UNC5D: variants seen among roughly 807,000 people sequenced by gnomAD.
UNC5D encodes netrin receptor UNC5D.
UNC5D carries 39 observed loss-of-function variants against 105.4 expected under a neutral mutation model. The ratio of observed to expected loss-of-function variants is 0.37; its 90% CI spans 0.29 to 0.48. The LOEUF (loss-of-function observed/expected upper bound fraction) is 0.48, where lower values mean the gene tolerates loss of function less well. UNC5D is among the 20% of genes least tolerant of loss of function. The pLI is 0.98. For missense variants in UNC5D, 991 were observed against 1,202.4 expected (o/e 0.82, Z 2.60); for synonymous variants, 452 against 450.4 (o/e 1.00, Z -0.04).
At chr8:35,455,716 C>T (rs1237984743) in intron 1 of UNC5D, among the ~76,000 whole-genome samples, 2 of 151,602 alleles carry the variant, frequency 1.3e-5, no homozygotes, top group African/African-American at 2.4e-5. Context: ...CTCACCATTC[C>T]ATGTGGCTGA....
rs527599695 is a variant in UNC5D, at chr8:35,717,551, T to C, written c.1118-4659T>C. On this transcript the variant is annotated intron_variant, in intron 8 of 16. Coordinates refer to ENST00000404895, the MANE Select transcript of UNC5D (RefSeq NM_080872.4). ...AGGTCATTTAGTCCTTCTCCCCAGC[T>C]TTGGCCAAAAAACTAAAATAAAATA... Among the ~76,000 whole-genome samples the C allele has an allele frequency of 5.9e-5, 9 of 152,280 alleles. No homozygotes were observed. The South Asian group carries it at 1.9e-3, about 32-fold the overall frequency.
intron 1 of UNC5D, among the ~76,000 whole-genome samples, chr8:35,278,914 T>G (rs1333863912): frequency 6.6e-6 from 1 of 152,190 alleles, no homozygotes; most frequent in Non-Finnish European, 1.5e-5. Flanking sequence ...CTATCAGATA[T>G]CTTTAAAAAA....
At chr8:35,505,456 T>C (rs1367721538) in intron 1 of UNC5D, among the ~76,000 whole-genome samples, 4 of 152,174 alleles carry the variant, frequency 2.6e-5, no homozygotes. Flanking sequence ...CTCCTGACAG[T>C]AGAAAGGCTA....
intron 1 of UNC5D, among the ~76,000 whole-genome samples, chr8:35,456,183 T>G (rs1808482048): frequency 6.6e-6 from 1 of 152,176 alleles, no homozygotes. Context: ...GCATTATAAT[T>G]TAATGGCATT....
intron 1 of UNC5D, among the ~76,000 whole-genome samples, chr8:35,529,456 G>A (rs1188499401): frequency 6.0e-5 from 9 of 149,342 alleles, no homozygotes; most frequent in Non-Finnish European, 1.2e-4. Flanking sequence ...CTGTAGACTT[G>A]TAGTATAGTT....
chr8:35,436,318 T>A (rs1807011737), intron 1 of UNC5D, among the ~76,000 whole-genome samples: 2 of 152,228 alleles, frequency 1.3e-5, no homozygotes, highest in South Asian at 2.1e-4. Context: ...TTTTAAATGT[T>A]TGAAGATGTT....
chr8:35,362,170 G>C (rs1801890857), intron 1 of UNC5D, among the ~76,000 whole-genome samples: 1 of 152,102 alleles, frequency 6.6e-6, no homozygotes, highest in Non-Finnish European at 1.5e-5. Context: ...GAGGAATTTT[G>C]CTAAAAATAA....
intron 1 of UNC5D, among the ~76,000 whole-genome samples, chr8:35,464,801 G>C (rs1809176495): frequency 6.6e-6 from 1 of 152,154 alleles, no homozygotes; most frequent in Non-Finnish European, 1.5e-5. Context: ...GGGCTACTGT[G>C]TTCCCACACA....
chr8:35,536,639 G>C (rs906179297), intron 1 of UNC5D, among the ~76,000 whole-genome samples: 1 of 152,144 alleles, frequency 6.6e-6, no homozygotes, highest in Admixed American at 6.5e-5. Context: ...CTTGATTGCT[G>C]TAATCCAAAA....
rs995743064 is a variant in UNC5D, at chr8:35,766,517, C to T, written c.2314-385C>T. Among the ~76,000 whole-genome samples the T allele has an allele frequency of 1.3e-5, 2 of 152,200 alleles. 1 individual carries two copies. Among genetic ancestry groups the T allele is most frequent in the South Asian group, 4.1e-4 (2 of 4,824 alleles). On this transcript the variant is annotated intron_variant, in intron 14 of 16. Transcript: ENST00000404895. ...CATAAGTGAAAAGATAACATCCTAC[C>T]CCAGACCGAAGTAGAAGCATGGCCC...
intron 13 of UNC5D, among the ~76,000 whole-genome samples, chr8:35,751,402 C>T (rs546032580): frequency 3.9e-4 from 59 of 152,188 alleles, no homozygotes; most frequent in Admixed American, 1.1e-3. Context: ...ATCTTGTGGC[C>T]GATTTGTTAG....
chr8:35,631,577 G>A (rs2131080746), intron 4 of UNC5D, among the ~76,000 whole-genome samples: 1 of 152,282 alleles, frequency 6.6e-6, no homozygotes, highest in East Asian at 1.9e-4. Flanking sequence ...ATGGACTTGG[G>A]AAATTAGAGT....
chr8:35,691,024 T>TTTTC (rs1398014817), intron 7 of UNC5D, among the ~76,000 whole-genome samples: 4 of 152,204 alleles, frequency 2.6e-5, no homozygotes, highest in African/African-American at 7.2e-5. Context: ...AACAATTGGT[T>TTTTC]TTTCTTTGTT....
intron 11 of UNC5D, among the ~76,000 whole-genome samples, chr8:35,732,201 A>G (rs919371907): frequency 6.6e-6 from 1 of 152,192 alleles, no homozygotes; most frequent in African/African-American, 2.4e-5. Context: ...GATGGTTTAA[A>G]CAGATTTTGA....
At chr8:35,407,015 T>C (rs1410168087) in intron 1 of UNC5D, among the ~76,000 whole-genome samples, 2 of 152,160 alleles carry the variant, frequency 1.3e-5, no homozygotes, top group Non-Finnish European at 2.9e-5. Flanking sequence ...TAGTTAACAA[T>C]GGACTGCATA....
At chr8:35,634,034 A>G (rs1822207688) in intron 4 of UNC5D, among the ~76,000 whole-genome samples, 1 of 152,236 alleles carries the variant, frequency 6.6e-6, no homozygotes. Context: ...AACCAAACCA[A>G]ATAAAAAATA....
intron 1 of UNC5D, among the ~76,000 whole-genome samples, chr8:35,515,514 G>A (rs532264921): frequency 8.5e-4 from 130 of 152,190 alleles, no homozygotes; most frequent in African/African-American, 2.9e-3. Flanking sequence ...GTGAAACCTC[G>A]TCTCTACTAA....
intron 1 of UNC5D, among the ~76,000 whole-genome samples, chr8:35,475,548 C>T (rs1020655888): frequency 1.2e-4 from 19 of 152,172 alleles, no homozygotes; most frequent in African/African-American, 4.6e-4. Context: ...CCAAAGGAAC[C>T]CAACTATAGC....
chr8:35,339,836 C>T (rs547062457), intron 1 of UNC5D, among the ~76,000 whole-genome samples: 1 of 152,194 alleles, frequency 6.6e-6, no homozygotes, highest in South Asian at 2.1e-4. Context: ...ATTTTAGGCT[C>T]TTTTTATGTT....
Sources: gnomAD v4.1 joint callset for allele counts (sites outside exome capture counted in the v4.1 genomes callset) on GRCh38, gnomAD v4.1.1 for gene constraint, MANE v1.5 for transcripts, NCBI Gene and HGNC (gene_info 2026-07-23, HGNC 2026-07-21) for gene names.